The following DAZAP1 variants were observed in gnomAD, a reference collection of about 807,000 sequenced individuals.
The protein encoded by DAZAP1 is DAZ-associated protein 1.
A neutral mutation model predicts 60.1 loss-of-function variants in DAZAP1; 6 were observed. The ratio of observed to expected loss-of-function variants is 0.10; its 90% confidence interval spans 0.05 to 0.20. The LOEUF (loss-of-function observed/expected upper bound fraction) is 0.20. Ranked by LOEUF, DAZAP1 falls within the 10% of genes least tolerant of loss-of-function variation. The pLI is 1.00. For synonymous variants in DAZAP1, 235 were observed against 215.9 expected (o/e 1.09, Z -0.78); for missense variants, 366 against 560.4 (o/e 0.65, Z 3.50).
chr19:1,408,757 C>T (rs550862800), intron 1 of DAZAP1, among the ~76,000 whole-genome samples: 22 of 152,376 alleles, frequency 1.4e-4, no homozygotes, highest in African/African-American at 5.3e-4. Flanking sequence ...CTGCTCCGGA[C>T]CCCGCGGGGC....
intron 6 of DAZAP1, among the ~76,000 whole-genome samples, chr19:1,424,335 TCCC>T (rs1292547623): frequency 2.7e-5 from 1 of 36,488 alleles, no homozygotes; most frequent in Admixed American, 2.3e-4. Context: ...CTCTTCCCCC[TCCC>T]CCTCCTCCTC....
Position 1,432,417 on chromosome 19 carries a change from G to C in DAZAP1, c.872-97G>C. 7.4e-6 allele frequency: 10 copies of C among 1,348,256 alleles called. No individual in the cohort carries two copies. Among genetic ancestry groups the C allele is most frequent in the Non-Finnish European group, 1.1e-5 (10 of 949,646 alleles). The allele number at this position is 1,348,256 out of a possible 1,614,324, so 83.5% of individuals were successfully genotyped here. On this transcript the variant is annotated intron_variant, in intron 10 of 11. Transcript: ENST00000233078. This position sits in a 1 kb window ranked among gnomAD's most constrained non-coding sequence, Gnocchi z 4.9. ...TTCTGTGGGTTTGGGTGGCAGTCCC[G>C]TCTGGGCAGCTCCTGCTGGGCTGGG...
chr19:1,414,795 T>G (rs2082927580), intron 1 of DAZAP1, among the ~76,000 whole-genome samples: 2 of 152,030 alleles, frequency 1.3e-5, no homozygotes, highest in Non-Finnish European at 2.9e-5. Flanking sequence ...ATTTTTTATT[T>G]TTTTAATTTT....
At chr19:1,431,380 C>T (rs1163097375) in intron 10 of DAZAP1, among the ~76,000 whole-genome samples, 2 of 151,852 alleles carry the variant, frequency 1.3e-5, no homozygotes, top group African/African-American at 4.8e-5. Flanking sequence ...TCGCCCGCCT[C>T]GGCCTCCCAA....
At position 1,433,541 on chromosome 19, in the gene DAZAP1, T is replaced by G. The variant is rs2083510631; in HGVS notation, c.1048+851T>G. ...CCCGCCCACCCACCTCGCATGGCTGTGGTTCCCCTGCCCCCACGCCCAGGC... is the reference window on the plus strand; with the variant it reads ...CCCGCCCACCCACCTCGCATGGCTGGGGTTCCCCTGCCCCCACGCCCAGGC... On this transcript the variant is annotated intron_variant, in intron 11 of 11. Coordinates refer to ENST00000233078, the MANE Select transcript of DAZAP1 (RefSeq NM_018959.4). This position sits in a 1 kb window ranked among gnomAD's most constrained non-coding sequence, Gnocchi z 6.1. 97 of 516,084 alleles carry G rather than the reference T, an allele frequency of 1.9e-4. No individual in the cohort carries two copies. Among genetic ancestry groups the G allele is most frequent in the Middle Eastern group, 1.1e-3 (2 of 1,826 alleles). The allele number at this position is 516,084 out of a possible 1,614,324, so 32.0% of individuals were successfully genotyped here.
At chr19:1,430,722 G>GTTT (rs1171958291) in intron 10 of DAZAP1, among the ~76,000 whole-genome samples, 2 of 137,848 alleles carry the variant, frequency 1.5e-5, no homozygotes, top group Non-Finnish European at 3.2e-5. Flanking sequence ...AGCTCTAATT[G>GTTT]TTTTTTTTTT....
rs145697289 is a variant in DAZAP1 at position 1,421,413 on chromosome 19, G to A, written c.414+155G>A. On this transcript the variant is annotated intron_variant, in intron 5 of 11. Coordinates refer to ENST00000233078, the MANE Select transcript of DAZAP1 (RefSeq NM_018959.4). The stretch of plus-strand genomic sequence containing the variant: ...TATTTCCCCAACGCCTGCGCCCTCC[G>A]GAAAGGTGGAAAGCCCGGCCTTTGC... Among the ~76,000 whole-genome samples the A allele has an allele frequency of 1.3e-4, 20 of 152,378 alleles. No homozygotes were observed. In the East Asian group the frequency reaches 2.1e-3, roughly 16 times the overall value.
At position 1,418,189 on chromosome 19, in the gene DAZAP1, C is replaced by A; in HGVS notation, c.71-15C>A. 1.2e-6 allele frequency: 2 copies of A among 1,613,206 alleles called. No homozygotes were observed. The highest frequency in any genetic ancestry group is 2.2e-5 in the South Asian group (2 of 91,038). ...GGCCCTGTGTGTTTGTGTTTTCTTCCCGATTTCTGAGCAGAGACTCTGCGC... is the reference window on the plus strand; with the variant it reads ...GGCCCTGTGTGTTTGTGTTTTCTTCACGATTTCTGAGCAGAGACTCTGCGC... On this transcript the variant is annotated splice_polypyrimidine_tract_variant and intron_variant, in intron 2 of 11. Transcript: ENST00000233078. The surrounding 1 kb of genome is among the most constrained non-coding windows in gnomAD (Gnocchi z 5.7).
In DAZAP1 at chr19:1,434,903, C is replaced by A; in HGVS notation, c.1215C>A (p.Tyr405Ter). ...QNHNVQGFHPYRR is the reference protein window; with the variant it reads ...QNHNVQGFHP ...ACAACGTGCAAGGGTTCCACCCCTA[C>A]CGACGCTAGCCCGCGGCGCCGCGAC... The change falls in exon 12 of 12, where the codon TAC becomes TAA. Residue 405 changes from tyrosine (Y) to a stop codon, truncating the protein, a stop_gained. Coordinates refer to ENST00000233078, the MANE Select transcript of DAZAP1 (RefSeq NM_018959.4). LOFTEE classifies it high-confidence loss of function. The surrounding 1 kb of genome is among the most constrained non-coding windows in gnomAD (Gnocchi z 8.0). 6.7e-7 allele frequency: 1 copy of A among 1,481,986 alleles called. No individual in the cohort carries two copies. Among genetic ancestry groups the A allele is most frequent in the Non-Finnish European group, 9.0e-7 (1 of 1,116,342 alleles). 91.8% of individuals were successfully genotyped at this position (1,481,986 alleles called of 1,614,324 possible).
In DAZAP1 at chr19:1,435,109, A is replaced by C; in HGVS notation, c.*197A>C. ...ATATTTCTTTCTCTAACCCATCAGC[A>C]CAATAAAAAAAAGTCACTGGTTCAA... On this transcript the variant is annotated 3_prime_UTR_variant, in exon 12 of 12. Transcript: ENST00000233078. 2.6e-6 allele frequency: 1 copy of C among 383,352 alleles called. No homozygotes were observed. The highest frequency in any genetic ancestry group is 4.3e-5 in the East Asian group (1 of 23,122). The allele number at this position is 383,352 out of a possible 1,614,324, so 23.7% of individuals were successfully genotyped here. A position where few individuals can be genotyped will look rare whatever the true frequency, so the allele number is the denominator to read the frequency against.
At chr19:1,429,896 C>G (rs1202913010) in intron 8 of DAZAP1, 71 bp from the exon 9 acceptor site, 3 of 1,545,240 alleles carry the variant, frequency 1.9e-6, no homozygotes, top group South Asian at 2.4e-5. Flanking sequence ...CGTCCATGCT[C>G]TGCGGCTCCT....
chr19:1,422,332 C>T lies in DAZAP1; in HGVS notation c.415-16C>T, dbSNP rs1360793348. ...CTGGCCCTGGTGTCCGTGCTGACGCCACCCTCTCCTTCCAGGTCACGGAGG... is the reference window on the plus strand; with the variant it reads ...CTGGCCCTGGTGTCCGTGCTGACGCTACCCTCTCCTTCCAGGTCACGGAGG... On this transcript the variant is annotated splice_polypyrimidine_tract_variant and intron_variant, in intron 5 of 11. Coordinates refer to ENST00000233078, the MANE Select transcript of DAZAP1 (RefSeq NM_018959.4). The surrounding 1 kb of genome is among the most constrained non-coding windows in gnomAD (Gnocchi z 4.5). 1.9e-6 allele frequency: 3 copies of T among 1,613,680 alleles called. No individual in the cohort carries two copies. Among genetic ancestry groups the T allele is most frequent in the Non-Finnish European group, 8.5e-7 (1 of 1,179,802 alleles).
At position 1,430,270 on chromosome 19, in the gene DAZAP1, C is replaced by CCCCCCAA; in HGVS notation, c.779_780insCCCCCAA (p.Phe262GlnfsTer167). 8.0e-6 allele frequency: 11 copies of CCCCCCAA among 1,368,582 alleles called. No homozygotes were observed. Among genetic ancestry groups the CCCCCCAA allele is most frequent in the Non-Finnish European group, 1.0e-5 (10 of 979,144 alleles). The allele number at this position is 1,368,582 out of a possible 1,614,324, so 84.8% of individuals were successfully genotyped here. A position where few individuals can be genotyped will look rare whatever the true frequency, so the allele number is the denominator to read the frequency against. The stretch of plus-strand genomic sequence containing the variant: ...GGAAGAGGAGCCCCCCCGCCACCCC[C>CCCCCCAA]ACCGTTCACCTCCTACATCGTGTCC... On this transcript the variant is annotated frameshift_variant, in exon 10 of 12. Coordinates refer to ENST00000233078, the MANE Select transcript of DAZAP1 (RefSeq NM_018959.4). LOFTEE classifies it high-confidence loss of function.
At chr19:1,430,528 C>T (rs1218380026) in intron 10 of DAZAP1, among the ~76,000 whole-genome samples, 166 bp downstream of exon 10, 1 of 152,212 alleles carries the variant, frequency 6.6e-6, no homozygotes, top group African/African-American at 2.4e-5. Context: ...TGCAGATGGG[C>T]TCCATCGCCT....
At position 1,432,252 on chromosome 19, in the gene DAZAP1, C is replaced by G; in HGVS notation, c.872-262C>G. 1 of 535,228 alleles carries G rather than the reference C, an allele frequency of 1.9e-6. No individual in the cohort carries two copies. Among genetic ancestry groups the G allele is most frequent in the Non-Finnish European group, 3.3e-6 (1 of 301,506 alleles). The allele number at this position is 535,228 out of a possible 1,614,324, so 33.2% of individuals were successfully genotyped here. A position where few individuals can be genotyped will look rare whatever the true frequency, so the allele number is the denominator to read the frequency against. Reference sequence around the variant, plus strand: ...GAGTTCTTGTCTGAGGCCCACCTGGCGGCTGCTCCGTGAGGAACGAGGTGG... The same window carrying G: ...GAGTTCTTGTCTGAGGCCCACCTGGGGGCTGCTCCGTGAGGAACGAGGTGG... On this transcript the variant is annotated intron_variant, in intron 10 of 11. Transcript: ENST00000233078. The surrounding 1 kb of genome is among the most constrained non-coding windows in gnomAD (Gnocchi z 4.9).
Position 1,433,989 on chromosome 19 carries a change from G to A in DAZAP1, c.1049-748G>A. On this transcript the variant is annotated intron_variant, in intron 11 of 11. Transcript: ENST00000233078. The surrounding 1 kb of genome is among the most constrained non-coding windows in gnomAD (Gnocchi z 6.1). ...TGGCCACAAGCCTTCAGCGGGCCCA[G>A]GATCCCCCAGAGAGAGCCCACGCCC... 3.1e-6 allele frequency: 2 copies of A among 653,790 alleles called. No individual in the cohort carries two copies. Among genetic ancestry groups the A allele is most frequent in the African/African-American group, 1.8e-5 (1 of 55,048 alleles). 40.5% of individuals were successfully genotyped at this position (653,790 alleles called of 1,614,324 possible).
Position 1,418,217 on chromosome 19 carries a change from C to G in DAZAP1, c.84C>G (p.Ser28Arg). Reference protein sequence around the residue: ...DWSTTQETLRSYFSQYGEVVD... With the variant: ...DWSTTQETLRRYFSQYGEVVD... Reference sequence around the variant, plus strand: ...ATTTCTGAGCAGAGACTCTGCGCAGCTACTTTTCCCAATATGGAGAAGTCG... The same window carrying G: ...ATTTCTGAGCAGAGACTCTGCGCAGGTACTTTTCCCAATATGGAGAAGTCG... The change falls in exon 3 of 12, where the codon AGC becomes AGG. Residue 28 changes from serine (S) to arginine (R), a missense_variant. By Grantham distance (110) the Ser-to-Arg change is moderately radical (BLOSUM62 -1). This residue lies in a region of DAZAP1 where 98 missense variants were observed against 155.3 expected (regional missense o/e 0.63). Coordinates refer to ENST00000233078, the MANE Select transcript of DAZAP1 (RefSeq NM_018959.4). This position sits in a 1 kb window ranked among gnomAD's most constrained non-coding sequence, Gnocchi z 5.7. The G allele has an allele frequency of 6.2e-7, 1 of 1,614,140 alleles. No individual in the cohort carries two copies. Among genetic ancestry groups the G allele is most frequent in the Non-Finnish European group, 8.5e-7 (1 of 1,179,952 alleles).
intron 1 of DAZAP1, among the ~76,000 whole-genome samples, chr19:1,410,965 A>G (rs2082812849): frequency 6.6e-6 from 1 of 152,214 alleles, no homozygotes. Context: ...TGCAGCTCAG[A>G]GCCAGGCCCA....
At chr19:1,408,421 C>T (rs1470505898) in intron 1 of DAZAP1, among the ~76,000 whole-genome samples, 15 of 152,376 alleles carry the variant, frequency 9.8e-5, no homozygotes, top group Non-Finnish European at 1.5e-5. Context: ...CCGGGGCGCC[C>T]CCAGCGCGCG....
Sources: gnomAD v4.1 joint callset for allele counts (sites outside exome capture counted in the v4.1 genomes callset) on GRCh38, gnomAD v4.1.1 for gene constraint, gnomAD v4.1.1 regional missense constraint, Gnocchi (gnomAD v3.1) non-coding constraint, MANE v1.5 for transcripts, NCBI Gene and HGNC (gene_info 2026-07-23, HGNC 2026-07-21) for gene names.